The following TLL1 variants were observed in gnomAD, a reference collection of about 807,000 sequenced individuals.
TLL1 encodes tolloid like 1.
TLL1 carries 49 observed loss-of-function variants against 128.2 expected under a neutral mutation model. That is an observed-to-expected ratio of 0.38 (90% CI 0.30 to 0.48). The LOEUF (loss-of-function observed/expected upper bound fraction) is 0.48, where lower values mean the gene tolerates loss of function less well. Ranked by LOEUF, TLL1 falls within the 20% of genes least tolerant of loss-of-function variation. The pLI, the probability that TLL1 is intolerant of heterozygous loss-of-function variation, is 0.96. For synonymous variants in TLL1, 454 were observed against 418.8 expected, an observed-to-expected ratio of 1.08 and a Z score of -1.03; for missense variants, 1,123 against 1,242.0, an observed-to-expected ratio of 0.90 and a Z score of 1.44.
intron 1 of TLL1, among the ~76,000 whole-genome samples, chr4:165,896,237 C>A (rs1731673064): frequency 6.6e-6 from 1 of 152,122 alleles, no homozygotes; most frequent in Non-Finnish European, 1.5e-5. Context: ...CCAGCTTCAT[C>A]CATGTCCCTG....
chr4:166,044,431 CCTGTAAATT>C (rs1739369470), intron 12 of TLL1: 1 of 1,535,154 alleles, frequency 6.5e-7, no homozygotes, highest in Non-Finnish European at 8.7e-7. Context: ...CATCTGGAAG[CCTGTAAATT>C]CTATTTCTTC....
At chr4:166,079,011 T>G (rs1393700329) in intron 18 of TLL1, among the ~76,000 whole-genome samples, 1 of 152,200 alleles carries the variant, frequency 6.6e-6, no homozygotes, top group Admixed American at 6.5e-5. Flanking sequence ...AAGAAATTCA[T>G]ATTCTTAGTA....
At chr4:165,985,551 T>C (rs926100663) in intron 1 of TLL1, among the ~76,000 whole-genome samples, 8 of 152,012 alleles carry the variant, frequency 5.3e-5, no homozygotes, top group African/African-American at 1.7e-4. Flanking sequence ...TATTTTTGCA[T>C]ATAGTTTTTC....
intron 12 of TLL1, among the ~76,000 whole-genome samples, chr4:166,043,823 T>G (rs543483563): frequency 6.6e-6 from 1 of 152,242 alleles, no homozygotes; most frequent in East Asian, 1.9e-4. Context: ...CCTTTTTTTT[T>G]TTTACCATAA....
At chr4:166,032,458 AAATTCTGTGGC>A (rs2111080755) in intron 9 of TLL1, among the ~76,000 whole-genome samples, 1 of 152,228 alleles carries the variant, frequency 6.6e-6, no homozygotes, top group African/African-American at 2.4e-5. Flanking sequence ...TCAGTAATTC[AAATTCTGTGGC>A]AATGTCAAAA....
intron 1 of TLL1, among the ~76,000 whole-genome samples, chr4:165,940,498 C>T (rs1733956158): frequency 6.6e-6 from 1 of 151,714 alleles, no homozygotes; most frequent in Non-Finnish European, 1.5e-5. Context: ...TTAAATTCAA[C>T]ACACACACAC....
At chr4:166,027,989 C>A (rs1331262455) in intron 9 of TLL1, among the ~76,000 whole-genome samples, 2 of 152,022 alleles carry the variant, frequency 1.3e-5, no homozygotes, top group Non-Finnish European at 2.9e-5. Flanking sequence ...TGACGATTAG[C>A]AAATAAATTG....
intron 18 of TLL1, among the ~76,000 whole-genome samples, chr4:166,083,856 A>G (rs181116391): frequency 2.0e-4 from 31 of 152,288 alleles, no homozygotes; most frequent in Non-Finnish European, 4.6e-4. Flanking sequence ...CATGGGAGCA[A>G]CAGACATTCC....
chr4:165,958,058 G>T (rs1474591737), intron 1 of TLL1, among the ~76,000 whole-genome samples: 1 of 150,106 alleles, frequency 6.7e-6, no homozygotes, highest in Non-Finnish European at 1.5e-5. Context: ...TTTTATGGCT[G>T]CATAGTATTC....
At chr4:165,906,422 C>G (rs1456301506) in intron 1 of TLL1, among the ~76,000 whole-genome samples, 1 of 152,152 alleles carries the variant, frequency 6.6e-6, no homozygotes, top group Non-Finnish European at 1.5e-5. Context: ...TTAATCTTCC[C>G]TGTCACAAAG....
At chr4:165,918,668 T>G (rs1732891616) in intron 1 of TLL1, among the ~76,000 whole-genome samples, 1 of 152,146 alleles carries the variant, frequency 6.6e-6, no homozygotes, top group Non-Finnish European at 1.5e-5. Context: ...AGCATCTTGG[T>G]CTCCTCTTAC....
At chr4:165,946,499 A>AT (rs59178153) in intron 1 of TLL1, among the ~76,000 whole-genome samples, 3,781 of 128,934 alleles carry the variant, frequency 0.029, 71 homozygotes, top group African/African-American at 0.037. Flanking sequence ...TACCCAGCTA[A>AT]TTTTTTTTTT....
chr4:166,096,962 G>A (rs917002391), intron 19 of TLL1, among the ~76,000 whole-genome samples: 1 of 151,928 alleles, frequency 6.6e-6, no homozygotes, highest in Non-Finnish European at 1.5e-5. Context: ...ACAGATGATG[G>A]CATTTACATG....
intron 5 of TLL1, among the ~76,000 whole-genome samples, chr4:165,996,598 CAAAATAAAT>C (rs1460973974): frequency 6.2e-5 from 6 of 96,514 alleles, no homozygotes; most frequent in Middle Eastern, 5.0e-3. Context: ...GACTCCATCT[CAAAATAAAT>C]AAATAAACAA....
chr4:165,898,831 G>T (rs932387563), intron 1 of TLL1, among the ~76,000 whole-genome samples: 1 of 152,170 alleles, frequency 6.6e-6, no homozygotes, highest in East Asian at 1.9e-4. Context: ...ACCTCTGGAA[G>T]AATTTGGCTG....
In TLL1 at chr4:165,946,414, C is replaced by A. The variant is rs146649019; in HGVS notation, c.170-42967C>A. On this transcript the variant is annotated intron_variant, in intron 1 of 20. Transcript: ENST00000061240. ...GCAGTGGCATGATCATAGCTCACTG[C>A]AGCCTTGACCTCCCAGGCTCAAGTC... Among the ~76,000 whole-genome samples, 560 of 152,068 alleles carry A rather than the reference C, an allele frequency of 3.7e-3. 2 individuals carry two copies. Among genetic ancestry groups the A allele is most frequent in the African/African-American group, 0.013 (528 of 41,458 alleles).
intron 19 of TLL1, among the ~76,000 whole-genome samples, chr4:166,097,020 T>G (rs116647519): frequency 0.022 from 3,358 of 152,208 alleles, 51 homozygotes; most frequent in Non-Finnish European, 0.034. Context: ...TAAATTTATA[T>G]GGGTTTTACT....
At chr4:165,928,471 T>C (rs546220365) in intron 1 of TLL1, among the ~76,000 whole-genome samples, 22 of 151,806 alleles carry the variant, frequency 1.4e-4, no homozygotes, top group Admixed American at 9.2e-4. Flanking sequence ...TGAAGGAGAG[T>C]AGGGATTTGC....
At chr4:166,001,553 C>T (rs1423912322) in intron 5 of TLL1, among the ~76,000 whole-genome samples, 3 of 152,034 alleles carry the variant, frequency 2.0e-5, no homozygotes, top group Admixed American at 6.6e-5. Context: ...AATCCAAGCA[C>T]TTTGAGAGAC....
Sources: gnomAD v4.1 joint callset for allele counts (sites outside exome capture counted in the v4.1 genomes callset) on GRCh38, gnomAD v4.1.1 for gene constraint, MANE v1.5 for transcripts, NCBI Gene and HGNC (gene_info 2026-07-23, HGNC 2026-07-21) for gene names.